DCHS2: variants seen among roughly 807,000 people sequenced by gnomAD.
DCHS2 encodes the protein dachsous cadherin-related 2, also known as protocadherin-23.
A neutral mutation model predicts 182.4 loss-of-function variants in DCHS2; 142 were observed. The observed-to-expected ratio is 0.78, with a 90% CI of 0.68 to 0.89. The LOEUF (loss-of-function observed/expected upper bound fraction) is 0.89. Ranked by LOEUF, DCHS2 falls within the 40% of genes least tolerant of loss-of-function variation. The pLI is 0.00. For synonymous variants in DCHS2, 1,740 were observed against 1,663.3 expected, an observed-to-expected ratio of 1.05 and a Z score of -1.12; for missense variants, 4,319 against 4,198.6, an observed-to-expected ratio of 1.03 and a Z score of -0.79.
chr4:154,432,933 A>C lies in DCHS2; in HGVS notation c.2053-55489T>G, dbSNP rs114432306. Among the ~76,000 whole-genome samples the C allele has an allele frequency of 5.4e-3, 828 of 152,214 alleles. 5 individuals carry two copies. The highest frequency in any genetic ancestry group is 9.2e-3 in the Non-Finnish European group (625 of 68,000). On this transcript the variant is annotated intron_variant, in intron 1 of 19. Transcript: ENST00000357232. ...GAAGGGTCTACAGATCTCTCTCTCTATATATATACACCTGGTTCCAGTAAC... is the reference window on the plus strand; with the variant it reads ...GAAGGGTCTACAGATCTCTCTCTCTCTATATATACACCTGGTTCCAGTAAC...
chr4:154,311,605 G>C (rs1457631395), intron 10 of DCHS2, among the ~76,000 whole-genome samples: 1 of 152,104 alleles, frequency 6.6e-6, no homozygotes, highest in Admixed American at 6.6e-5. Context: ...AGCAAAAATA[G>C]AATTATGCCT....
At chr4:154,411,122 G>T (rs909777390) in intron 1 of DCHS2, among the ~76,000 whole-genome samples, 2 of 152,252 alleles carry the variant, frequency 1.3e-5, no homozygotes, top group South Asian at 2.1e-4. Context: ...CTAAATCAAA[G>T]AAGTCAGACA....
At chr4:154,477,443 A>G (rs1206782112) in intron 1 of DCHS2, among the ~76,000 whole-genome samples, 1 of 152,192 alleles carries the variant, frequency 6.6e-6, no homozygotes, top group Non-Finnish European at 1.5e-5. Flanking sequence ...GCTGAGAAAA[A>G]GCACGGTGCC....
intron 4 of DCHS2, chr4:154,334,569 G>C: frequency 3.8e-6 from 1 of 264,364 alleles, no homozygotes; most frequent in Non-Finnish European, 7.2e-6. Context: ...TGTAAATTGT[G>C]TGTACATGTG....
At position 154,236,558 on chromosome 4, in the gene DCHS2, T is replaced by C. The variant is rs771443910; in HGVS notation, c.8094A>G (p.Ala2698=). The C allele has an allele frequency of 1.2e-6, 2 of 1,613,932 alleles. No individual in the cohort carries two copies. Among genetic ancestry groups the C allele is most frequent in the East Asian group, 2.2e-5 (1 of 44,882 alleles). ...CAGAGATGATGTTGTAGATGATTTC[T>C]GCATGTGACCCTGTGTCACGGTCAT... The part of the protein sequence containing the change: ...SANDRDTGSH[A]EIIYNIISGN... The change falls in exon 20 of 20, where the codon GCA becomes GCG. Residue 2698 remains alanine (A), a synonymous_variant. Transcript: ENST00000357232.
chr4:154,454,402 C>T (rs149238447), intron 1 of DCHS2, among the ~76,000 whole-genome samples: 79 of 152,212 alleles, frequency 5.2e-4, no homozygotes, highest in African/African-American at 1.8e-3. Flanking sequence ...CGCCATCATG[C>T]TCAGTTAATT....
chr4:154,433,395 C>CTTTTTTT (rs61553613), intron 1 of DCHS2, among the ~76,000 whole-genome samples: 2,714 of 103,750 alleles, frequency 0.026, 90 homozygotes, highest in Non-Finnish European at 0.031. Flanking sequence ...TTTTTTTTTC[C>CTTTTTTT]TTTTTTTTTT....
Position 154,333,104 on chromosome 4 carries a change from A to G in DCHS2, c.3104T>C (p.Leu1035Pro). 1 of 1,614,084 alleles carries G rather than the reference A, an allele frequency of 6.2e-7. No individual in the cohort carries two copies. The highest frequency in any genetic ancestry group is 8.5e-7 in the Non-Finnish European group (1 of 1,180,020). Residue 1035 changes from leucine (L) to proline (P), a missense_variant, in exon 5 of 20, where the codon CTG (leucine) becomes CCG (proline). Leu to Pro is a moderately conservative substitution (Grantham distance 98). Coordinates refer to ENST00000357232, the MANE Select transcript of DCHS2 (RefSeq NM_001358235.2). ...CGCGCCCAGGCTGCCGTTGAGGAACAGCACCCCCAGGGCTCTGTCGATGGC... is the reference window on the plus strand; with the variant it reads ...CGCGCCCAGGCTGCCGTTGAGGAACGGCACCCCCAGGGCTCTGTCGATGGC... ...VFAIDRALGV[L>P]FLNGSLGAGE... is the part of the protein sequence containing the mutation.
chr4:154,304,780 A>C lies in DCHS2; in HGVS notation c.5494T>G (p.Ser1832Ala), dbSNP rs571485071. ...TCCAGAACCTCAATGTCATAACTGG[A>C]AACAATAAACTCTGGTGCGTGATCG... ...ENDHAPEFIV[S>A]SYDIEVLENQ... is the part of the protein sequence containing the mutation. Residue 1832 changes from serine (S) to alanine (A), a missense_variant, in exon 12 of 20, where the codon TCC (serine) becomes GCC (alanine). By Grantham distance (99) the Ser-to-Ala change is moderately conservative. Coordinates refer to ENST00000357232, the MANE Select transcript of DCHS2 (RefSeq NM_001358235.2). 1 of 1,614,020 alleles carries C rather than the reference A, an allele frequency of 6.2e-7. No individual in the cohort carries two copies. Among genetic ancestry groups the C allele is most frequent in the Non-Finnish European group, 8.5e-7 (1 of 1,179,956 alleles).
rs149462928 is a variant in DCHS2 at position 154,333,003 on chromosome 4, G to C, written c.3205C>G (p.Leu1069Val). The change falls in exon 5 of 20, where the codon CTG becomes GTG. Residue 1069 changes from leucine to valine, a missense_variant. Leu to Val is a conservative substitution (Grantham distance 32, BLOSUM62 1). Coordinates refer to ENST00000357232, the MANE Select transcript of DCHS2 (RefSeq NM_001358235.2). Reference sequence around the variant, plus strand: ...TCGCGTTTCTCGATAACGACTGTCAGCACCAGCAGGGCTGCCTGAGGATGC... The same window carrying C: ...TCGCGTTTCTCGATAACGACTGTCACCACCAGCAGGGCTGCCTGAGGATGC... ...GVHPQAALLV[L>V]TVVIEKREHS... 3.1e-6 allele frequency: 5 copies of C among 1,614,152 alleles called. No homozygotes were observed. Among genetic ancestry groups the C allele is most frequent in the Non-Finnish European group, 4.2e-6 (5 of 1,179,990 alleles).
rs1471703251 is a variant in DCHS2 at position 154,233,688 on chromosome 4, T to G, written c.*848A>C. The G allele has an allele frequency of 1.3e-5, 2 of 152,106 alleles. No homozygotes were observed. The highest frequency in any genetic ancestry group is 4.8e-5 in the African/African-American group (2 of 41,434). The allele number at this position is 152,106 out of a possible 1,614,324, so 9.4% of individuals were successfully genotyped here. ...ATTAACCTTTGAAGTTTAATGTCTT[T>G]ACCCACACCTACTTATAAGACAAGA... On this transcript the variant is annotated 3_prime_UTR_variant, in exon 20 of 20. Transcript: ENST00000357232.
intron 1 of DCHS2, among the ~76,000 whole-genome samples, chr4:154,427,699 AACAG>A (rs1208101555): frequency 6.6e-6 from 1 of 152,242 alleles, no homozygotes; most frequent in Non-Finnish European, 1.5e-5. Flanking sequence ...TGAAAATGCC[AACAG>A]ACAGAGGTGA....
chr4:154,242,575 C>T, intron 17 of DCHS2, 67 bp downstream of exon 17: 18 of 1,549,328 alleles, frequency 1.2e-5, no homozygotes, highest in Non-Finnish European at 1.6e-5. Flanking sequence ...CAGTGTCTGG[C>T]TAAAGAAAAT....
intron 14 of DCHS2, among the ~76,000 whole-genome samples, chr4:154,266,510 C>T (rs924887095): frequency 1.3e-5 from 2 of 151,828 alleles, no homozygotes; most frequent in Admixed American, 6.6e-5. Context: ...CAAAAAATTA[C>T]CTGGGTGTGG....
chr4:154,434,394 T>A (rs562348305), intron 1 of DCHS2, among the ~76,000 whole-genome samples: 4 of 152,100 alleles, frequency 2.6e-5, no homozygotes, highest in Non-Finnish European at 5.9e-5. Flanking sequence ...AGCACTATAG[T>A]TTGGGTGAGA....
At chr4:154,372,606 AT>A (rs1208155166) in intron 2 of DCHS2, among the ~76,000 whole-genome samples, 2 of 152,244 alleles carry the variant, frequency 1.3e-5, no homozygotes, top group Admixed American at 1.3e-4. Context: ...ACCAAAAAAA[AT>A]CTATTTGGTA....
At chr4:154,485,686 G>C (rs545635310) in intron 1 of DCHS2, among the ~76,000 whole-genome samples, 1 of 152,342 alleles carries the variant, frequency 6.6e-6, no homozygotes, top group East Asian at 1.9e-4. Context: ...ATTAATGAAT[G>C]TTGTTGTTTG....
intron 1 of DCHS2, among the ~76,000 whole-genome samples, chr4:154,447,113 G>A (rs1444633779): frequency 5.9e-5 from 9 of 151,986 alleles, no homozygotes; most frequent in East Asian, 5.8e-4. Context: ...ACAACACGGC[G>A]AAACCCCATC....
Position 154,433,395 on chromosome 4 carries a change from C to CTTTTTTTTTTTTTTTTTT in DCHS2, c.2052+55891_2052+55908dup, listed in dbSNP as rs61553613. Among the ~76,000 whole-genome samples the CTTTTTTTTTTTTTTTTTT allele has an allele frequency of 1.9e-5, 2 of 103,868 alleles. 1 individual carries two copies. The allele number at this position is 103,868 out of a possible 152,430, so 68.1% of individuals were successfully genotyped here. On this transcript the variant is annotated intron_variant, in intron 1 of 19. Transcript: ENST00000357232. The stretch of plus-strand genomic sequence containing the variant: ...ACAAATAACTAGTTTTTTTTTTTTC[C>CTTTTTTTTTTTTTTTTTT]TTTTTTTTTTTTTTTTTTGAGACAG...
Sources: allele counts gnomAD v4.1 joint callset (sites outside exome capture counted in the v4.1 genomes callset), GRCh38; gene constraint gnomAD v4.1.1; transcripts MANE v1.5; gene names NCBI Gene and HGNC (gene_info 2026-07-23, HGNC 2026-07-21).